The following DACH2 variants were observed in gnomAD, a reference collection of about 807,000 sequenced individuals.
DACH2 encodes the protein dachshund homolog 2.
In DACH2, 17 loss-of-function variants were observed where a neutral mutation model predicts 35.8. The ratio of observed to expected loss-of-function variants is 0.48; its 90% CI spans 0.33 to 0.71. The LOEUF (loss-of-function observed/expected upper bound fraction) is 0.71. Ranked by LOEUF, DACH2 falls within the 30% of genes least tolerant of loss-of-function variation. DACH2 has a pLI of 0.02. For missense variants in DACH2, 469 were observed against 472.7 expected, an observed-to-expected ratio of 0.99 and a Z score of 0.07; for synonymous variants, 195 against 177.3, an observed-to-expected ratio of 1.10 and a Z score of -0.79.
chrX:86,536,170 G>A (rs1286476420), intron 3 of DACH2, among the ~76,000 whole-genome samples: 1 of 110,626 alleles, frequency 9.0e-6, no homozygotes, highest in African/African-American at 3.3e-5. Flanking sequence ...GAAAACACAT[G>A]CACAAATTCT....
chrX:86,151,090 T>C (rs2030347369), intron 1 of DACH2, among the ~76,000 whole-genome samples: 1 of 111,726 alleles, frequency 9.0e-6, no homozygotes, highest in Admixed American at 9.6e-5. Flanking sequence ...ATTTTGATAC[T>C]TTTCTCTATA....
intron 3 of DACH2, among the ~76,000 whole-genome samples, chrX:86,602,075 C>G (rs2039796558): frequency 8.9e-6 from 1 of 112,235 alleles, no homozygotes; most frequent in African/African-American, 3.2e-5. Flanking sequence ...TTTGCTATCT[C>G]TATAATTTTG....
chrX:86,504,596 C>T (rs5968933), intron 2 of DACH2, among the ~76,000 whole-genome samples: 51,403 of 108,946 alleles, frequency 0.47, 9,904 homozygotes, highest in African/African-American at 0.71. Flanking sequence ...GTGTTAACAA[C>T]ATTCACATTG....
At chrX:86,364,763 G>A (rs1447923620) in intron 1 of DACH2, among the ~76,000 whole-genome samples, 1 of 111,461 alleles carries the variant, frequency 9.0e-6, no homozygotes, top group Non-Finnish European at 1.9e-5. Context: ...TGAATTAAGA[G>A]ATAAGTGGAT....
intron 3 of DACH2, among the ~76,000 whole-genome samples, chrX:86,612,462 A>G (rs985676142): frequency 1.8e-5 from 2 of 111,309 alleles, no homozygotes; most frequent in African/African-American, 6.5e-5. Flanking sequence ...TTTTGAGTTC[A>G]TTCAGAACCC....
At chrX:86,591,088 TG>T (rs2039639268) in intron 3 of DACH2, among the ~76,000 whole-genome samples, 1 of 111,134 alleles carries the variant, frequency 9.0e-6, no homozygotes, top group African/African-American at 3.3e-5. Context: ...TTTTTGTCCT[TG>T]TGATAGTTTG....
intron 4 of DACH2, among the ~76,000 whole-genome samples, chrX:86,661,325 C>T (rs754553606): frequency 1.8e-5 from 2 of 112,378 alleles, no homozygotes; most frequent in African/African-American, 6.4e-5. Flanking sequence ...CATTAGGATG[C>T]CCATTTCTCT....
rs998816111 is a variant in DACH2, at chrX:86,274,734, G to A, written c.489-102090G>A. Reference sequence around the variant, plus strand: ...AGGATGGTCTCGATCTGCTGACCTCGTGATCTGCCCACCTCGGCCTCCCAA... The same window carrying A: ...AGGATGGTCTCGATCTGCTGACCTCATGATCTGCCCACCTCGGCCTCCCAA... On this transcript the variant is annotated intron_variant, in intron 1 of 11. Coordinates refer to ENST00000373125, the MANE Select transcript of DACH2 (RefSeq NM_053281.3). Among the ~76,000 whole-genome samples the A allele has an allele frequency of 4.6e-5, 5 of 108,845 alleles. No individual in the cohort carries two copies. In the East Asian group the frequency reaches 1.2e-3, roughly 25 times the overall value. The allele number at this position is 108,845 out of a possible 115,157, so 94.5% of individuals were successfully genotyped here.
chrX:86,505,021 C>G (rs2038303453), intron 2 of DACH2, among the ~76,000 whole-genome samples: 1 of 111,856 alleles, frequency 8.9e-6, no homozygotes, highest in South Asian at 3.7e-4. Context: ...AGCTTCAACT[C>G]CTTAATCCTG....
At chrX:86,728,646 C>A (rs184144479) in intron 6 of DACH2, among the ~76,000 whole-genome samples, 1 of 112,634 alleles carries the variant, frequency 8.9e-6, no homozygotes, top group African/African-American at 3.2e-5. Flanking sequence ...GCTCTGCTCC[C>A]CTGCACAGCC....
chrX:86,577,570 G>A (rs1602664331), intron 3 of DACH2, among the ~76,000 whole-genome samples: 1 of 111,415 alleles, frequency 9.0e-6, no homozygotes, highest in Admixed American at 9.6e-5. Context: ...ATATTTGTTT[G>A]GTCTTTAATG....
chrX:86,402,683 A>G (rs926719586), intron 2 of DACH2, among the ~76,000 whole-genome samples: 1 of 111,874 alleles, frequency 8.9e-6, no homozygotes, highest in Non-Finnish European at 1.9e-5. Flanking sequence ...GATTTAGTCT[A>G]CAATTCATAT....
chrX:86,670,523 C>T (rs984063553), intron 4 of DACH2, among the ~76,000 whole-genome samples: 1 of 111,649 alleles, frequency 9.0e-6, no homozygotes, highest in Non-Finnish European at 1.9e-5. Flanking sequence ...AAAAGAGGTG[C>T]CTCCTTCAGT....
intron 1 of DACH2, among the ~76,000 whole-genome samples, chrX:86,303,274 T>C (rs1015497629): frequency 9.2e-6 from 1 of 108,980 alleles, no homozygotes; most frequent in Admixed American, 1.0e-4. Flanking sequence ...CTCCTAAAAC[T>C]GGACACGTTC....
At chrX:86,813,350 C>A in intron 9 of DACH2, 73 bp downstream of exon 9, 2 of 976,611 alleles carry the variant, frequency 2.0e-6, no homozygotes, top group South Asian at 2.7e-5. Context: ...GAAATATTCT[C>A]CAAGATATCT....
At chrX:86,580,918 C>A (rs1183212802) in intron 3 of DACH2, among the ~76,000 whole-genome samples, 1 of 111,071 alleles carries the variant, frequency 9.0e-6, no homozygotes, top group Non-Finnish European at 1.9e-5. Context: ...AGATGACAAT[C>A]CCCAGGACAC....
intron 3 of DACH2, among the ~76,000 whole-genome samples, chrX:86,583,565 T>C (rs141080993): frequency 0.026 from 2,917 of 110,324 alleles, 48 homozygotes; most frequent in Non-Finnish European, 0.044. Flanking sequence ...ATTTTATTAT[T>C]ATTATACTTT....
intron 1 of DACH2, among the ~76,000 whole-genome samples, chrX:86,241,092 G>T (rs961819012): frequency 8.0e-5 from 9 of 112,108 alleles, no homozygotes; most frequent in African/African-American, 2.9e-4. Flanking sequence ...CTATAAAGAT[G>T]CCTGAAAATG....
chrX:86,416,119 A>G (rs1341093155), intron 2 of DACH2, among the ~76,000 whole-genome samples: 1 of 112,196 alleles, frequency 8.9e-6, no homozygotes, highest in Non-Finnish European at 1.9e-5. Flanking sequence ...ACTGAAAAAT[A>G]TATGTTTAGG....
Sources: allele counts gnomAD v4.1 joint callset (sites outside exome capture counted in the v4.1 genomes callset), GRCh38; gene constraint gnomAD v4.1.1; transcripts MANE v1.5; gene names NCBI Gene and HGNC (gene_info 2026-07-23, HGNC 2026-07-21).